Variants in GALNTL5 observed in about 807,000 individuals in gnomAD.
GALNTL5 encodes the protein polypeptide N-acetylgalactosaminyltransferase like 5, also known as inactive polypeptide N-acetylgalactosaminyltransferase-like protein 5.
GALNTL5 carries 44 observed loss-of-function variants against 51.0 expected under a neutral mutation model. The ratio of observed to expected loss-of-function variants is 0.86; its 90% CI spans 0.68 to 1.11. The LOEUF is 1.11. Among genes scored for constraint, GALNTL5 ranks in the 50% least tolerant of loss-of-function variants. GALNTL5 has a pLI of 0.00. For missense variants in GALNTL5, 528 were observed against 531.8 expected, an observed-to-expected ratio of 0.99 and a Z score of 0.07; for synonymous variants, 192 against 182.8, an observed-to-expected ratio of 1.05 and a Z score of -0.41.
In GALNTL5 at chr7:151,983,004, C is replaced by T. The variant is rs989075318; in HGVS notation, c.387C>T (p.Tyr129=). 8.1e-6 allele frequency: 13 copies of T among 1,614,006 alleles called. No homozygotes were observed. The African/African-American group carries it at 1.5e-4, about 18-fold the overall frequency. The change falls in exon 4 of 9, where the codon TAC becomes TAT. Residue 129 remains tyrosine (Y), a synonymous_variant. Coordinates refer to ENST00000392800, the MANE Select transcript of GALNTL5 (RefSeq NM_145292.4). ...TRSKMCLQKH[Y]PARLPTASIV... ...CCTGCAGGTGTCTTCAAAAACATTACCCAGCCCGCCTCCCGACTGCCAGCA... is the reference window on the plus strand; with the variant it reads ...CCTGCAGGTGTCTTCAAAAACATTATCCAGCCCGCCTCCCGACTGCCAGCA...
At chr7:151,971,156 A>T in intron 3 of GALNTL5, 91 bp downstream of exon 3, 2 of 1,072,810 alleles carry the variant, frequency 1.9e-6, no homozygotes, top group Non-Finnish European at 2.7e-6. Flanking sequence ...ACAGTTACTA[A>T]CCAGATTTTA....
chr7:151,967,785 G>A (rs61592363), intron 2 of GALNTL5, among the ~76,000 whole-genome samples: 8,237 of 152,002 alleles, frequency 0.054, 291 homozygotes, highest in East Asian at 0.2. Flanking sequence ...CCTCCCTCCC[G>A]TCCCCACGCC....
chr7:151,997,270 T>G (rs2081511720), intron 5 of GALNTL5, among the ~76,000 whole-genome samples: 2 of 152,352 alleles, frequency 1.3e-5, no homozygotes, highest in South Asian at 2.1e-4. Flanking sequence ...ATCTGATGAA[T>G]GTCTGATAGG....
At chr7:152,015,065 A>G (rs755970127) in intron 8 of GALNTL5, among the ~76,000 whole-genome samples, 1 of 152,058 alleles carries the variant, frequency 6.6e-6, no homozygotes. Flanking sequence ...AAAACTACCT[A>G]TTGATAGTTA....
intron 3 of GALNTL5, among the ~76,000 whole-genome samples, chr7:151,981,059 A>T (rs2081278788): frequency 6.6e-6 from 1 of 151,890 alleles, no homozygotes; most frequent in South Asian, 2.1e-4. Flanking sequence ...TGATTTTTTT[A>T]TTTCAACTCA....
chr7:151,992,618 G>C (rs537107028), intron 5 of GALNTL5, among the ~76,000 whole-genome samples: 1 of 152,236 alleles, frequency 6.6e-6, no homozygotes, highest in African/African-American at 2.4e-5. Flanking sequence ...ATTGAATGAA[G>C]GGCTCGCTCT....
At chr7:151,961,573 A>C (rs1034703012) in intron 1 of GALNTL5, among the ~76,000 whole-genome samples, 5 of 152,326 alleles carry the variant, frequency 3.3e-5, no homozygotes, top group Middle Eastern at 3.4e-3. Context: ...AATGGGAGAC[A>C]ATAGTAAATA....
intron 7 of GALNTL5, among the ~76,000 whole-genome samples, chr7:152,010,279 ATTGT>A (rs2081713765): frequency 6.6e-6 from 1 of 151,966 alleles, no homozygotes; most frequent in African/African-American, 2.4e-5. Context: ...CACCTGGCTA[ATTGT>A]TTGTATTTTA....
At chr7:151,971,142 G>GATAT in intron 3 of GALNTL5, 77 bp downstream of exon 3, 1 of 1,188,802 alleles carries the variant, frequency 8.4e-7, no homozygotes, top group South Asian at 1.4e-5. Flanking sequence ...TAGATAGAAA[G>GATAT]AAAACAGTTA....
intron 6 of GALNTL5, among the ~76,000 whole-genome samples, chr7:152,003,812 A>C (rs2081611251): frequency 6.6e-6 from 1 of 152,216 alleles, no homozygotes; most frequent in Non-Finnish European, 1.5e-5. Context: ...AATTTTTGTA[A>C]TATTTCCATA....
chr7:152,014,223 G>A (rs1367438230), intron 7 of GALNTL5, among the ~76,000 whole-genome samples: 1 of 152,212 alleles, frequency 6.6e-6, no homozygotes, highest in Admixed American at 6.5e-5. Context: ...AGGCTGTTGT[G>A]AGAATTAAAT....
At chr7:151,971,536 T>C (rs1464512776) in intron 3 of GALNTL5, among the ~76,000 whole-genome samples, 1 of 152,204 alleles carries the variant, frequency 6.6e-6, no homozygotes, top group Non-Finnish European at 1.5e-5. Context: ...AAATTTGCCA[T>C]TTTAATCCTC....
chr7:151,992,136 T>TA (rs1176913440), intron 5 of GALNTL5, among the ~76,000 whole-genome samples: 1 of 152,194 alleles, frequency 6.6e-6, no homozygotes, highest in Non-Finnish European at 1.5e-5. Context: ...AGTAAACTCT[T>TA]AGTCGTTAGT....
intron 1 of GALNTL5, among the ~76,000 whole-genome samples, chr7:151,963,188 G>T (rs1055642511): frequency 6.6e-6 from 1 of 152,150 alleles, no homozygotes; most frequent in African/African-American, 2.4e-5. Flanking sequence ...CATTCTGTGG[G>T]CCCCTTTAGT....
At chr7:152,007,678 A>C in intron 6 of GALNTL5, 149 bp from the exon 7 acceptor site, 1 of 628,762 alleles carries the variant, frequency 1.6e-6, no homozygotes, top group East Asian at 3.1e-5. Flanking sequence ...TCGGCCTCCC[A>C]AAGTGCTGGG....
intron 7 of GALNTL5, among the ~76,000 whole-genome samples, chr7:152,011,025 C>T (rs1293539491): frequency 6.6e-6 from 1 of 152,144 alleles, no homozygotes; most frequent in Non-Finnish European, 1.5e-5. Context: ...AGGTAAGTAC[C>T]ACCATTATCT....
At chr7:152,015,246 A>G (rs1449088766) in intron 8 of GALNTL5, among the ~76,000 whole-genome samples, 1 of 152,066 alleles carries the variant, frequency 6.6e-6, no homozygotes, top group East Asian at 1.9e-4. Context: ...ATCAATCAAC[A>G]TGAGCAGTCT....
At chr7:151,981,119 C>A (rs2081279439) in intron 3 of GALNTL5, among the ~76,000 whole-genome samples, 1 of 152,112 alleles carries the variant, frequency 6.6e-6, no homozygotes, top group Non-Finnish European at 1.5e-5. Flanking sequence ...CTATGGCAAG[C>A]TGGGCCAGTG....
rs374171148 is a variant in GALNTL5, at chr7:151,993,462, C to CT, written c.658+6189dup. Among the ~76,000 whole-genome samples the CT allele has an allele frequency of 2.6e-4, 39 of 151,782 alleles. 1 individual carries two copies. Among genetic ancestry groups the CT allele is most frequent in the African/African-American group, 9.4e-4 (39 of 41,396 alleles). Reference sequence around the variant, plus strand: ...TTTCCTCTTTAATCCACATTGTCTTCTTTTTTTTAGGAGTGATTTTGAAAG... The same window carrying CT: ...TTTCCTCTTTAATCCACATTGTCTTCTTTTTTTTTAGGAGTGATTTTGAAAG... On this transcript the variant is annotated intron_variant, in intron 5 of 8. Transcript: ENST00000392800.
Sources: allele counts gnomAD v4.1 joint callset (sites outside exome capture counted in the v4.1 genomes callset), GRCh38; gene constraint gnomAD v4.1.1; transcripts MANE v1.5; gene names NCBI Gene and HGNC (gene_info 2026-07-23, HGNC 2026-07-21).